Variants in ZC3H11A observed in about 807,000 individuals in gnomAD.
ZC3H11A encodes zinc finger CCCH-type containing 11A.
In ZC3H11A, 22 loss-of-function variants were observed where a neutral mutation model predicts 90.8. The ratio of observed to expected loss-of-function variants is 0.24; its 90% CI spans 0.17 to 0.35. ZC3H11A has a LOEUF of 0.35. Ranked by LOEUF, ZC3H11A falls within the 10% of genes least tolerant of loss-of-function variation. The pLI is 1.00. For synonymous variants in ZC3H11A, 294 were observed against 339.8 expected (o/e 0.87, Z 1.48); for missense variants, 701 against 964.9 (o/e 0.73, Z 3.62).
chr1:203,825,076 CAAAAAAAAAA>C (rs61108073), intron 4 of ZC3H11A, among the ~76,000 whole-genome samples: 7 of 108,988 alleles, frequency 6.4e-5, no homozygotes, highest in Non-Finnish European at 8.9e-5. Flanking sequence ...GACTCCGTCT[CAAAAAAAAAA>C]AAAAAAAAAG....
At chr1:203,806,060 G>C in intron 2 of ZC3H11A, 1 of 517,622 alleles carries the variant, frequency 1.9e-6, no homozygotes, top group Non-Finnish European at 3.8e-6. Context: ...ATCCGCTTTT[G>C]TTTTAAAACT....
At chr1:203,797,494 C>G in intron 1 of ZC3H11A, 2 of 1,460,992 alleles carry the variant, frequency 1.4e-6, no homozygotes, top group Admixed American at 2.7e-5. Context: ...CTAACAGATT[C>G]TGGTACGAAT....
In ZC3H11A at chr1:203,836,222, A is replaced by C. The variant is rs577116693; in HGVS notation, c.875-1744A>C. 1.1e-3 allele frequency among the ~76,000 whole-genome samples: 165 copies of C among 152,348 alleles called. 1 individual carries two copies. Among genetic ancestry groups the C allele is most frequent in the African/African-American group, 3.8e-3 (160 of 41,578 alleles). The stretch of plus-strand genomic sequence containing the variant: ...ACATAGCAAGACCCTGTCTCTAAAA[A>C]TAATAATTAAAAGTTCTTAAAATAT... On this transcript the variant is annotated intron_variant, in intron 10 of 17. Coordinates refer to ENST00000367210, the MANE Select transcript of ZC3H11A (RefSeq NM_001376342.1).
At chr1:203,839,130 G>T (rs997651637) in intron 11 of ZC3H11A, among the ~76,000 whole-genome samples, 5 of 152,156 alleles carry the variant, frequency 3.3e-5, no homozygotes, top group African/African-American at 9.7e-5. Context: ...ATAAGACGAG[G>T]TAGTGGCATA....
At chr1:203,825,607 G>A (rs1002732313) in intron 4 of ZC3H11A, among the ~76,000 whole-genome samples, 10 of 151,946 alleles carry the variant, frequency 6.6e-5, no homozygotes, top group African/African-American at 2.2e-4. Context: ...GCTAATTTTT[G>A]TATTTTTTAG....
intron 16 of ZC3H11A, 108 bp downstream of exon 16, chr1:203,850,789 CCTAGCATTTT>C: frequency 1.4e-6 from 2 of 1,446,328 alleles, no homozygotes; most frequent in Non-Finnish European, 1.9e-6. Flanking sequence ...CCTGGCATTT[CCTAGCATTTT>C]AGTAATTTGG....
chr1:203,838,811 G>A (rs1194253768), intron 11 of ZC3H11A, among the ~76,000 whole-genome samples: 1 of 151,978 alleles, frequency 6.6e-6, no homozygotes, highest in Admixed American at 6.6e-5. Context: ...AAATTAGCTG[G>A]GCAGGGTGGC....
intron 4 of ZC3H11A, among the ~76,000 whole-genome samples, chr1:203,819,176 G>GTGTA (rs1553262937): frequency 1.4e-5 from 2 of 148,030 alleles, no homozygotes; most frequent in Non-Finnish European, 3.0e-5. Context: ...ATATGTGTGT[G>GTGTA]TATATATATA....
chr1:203,828,512 C>A, intron 5 of ZC3H11A, 90 bp downstream of exon 5: 1 of 1,451,372 alleles, frequency 6.9e-7, no homozygotes, highest in Non-Finnish European at 9.4e-7. Flanking sequence ...TGACTCCTTT[C>A]AGTCTTGTGA....
intron 11 of ZC3H11A, among the ~76,000 whole-genome samples, chr1:203,839,465 C>G (rs1011660789): frequency 6.6e-6 from 1 of 150,950 alleles, no homozygotes; most frequent in African/African-American, 2.4e-5. Context: ...GTGTTTTTTT[C>G]CTTCTCATTG....
At chr1:203,797,875 A>G in intron 1 of ZC3H11A, 2 of 1,536,138 alleles carry the variant, frequency 1.3e-6, no homozygotes, top group Non-Finnish European at 1.7e-6. Flanking sequence ...TTTGAGAGCA[A>G]TATAGAAAAA....
chr1:203,804,014 TG>T (rs1671332336), intron 2 of ZC3H11A, among the ~76,000 whole-genome samples: 1 of 152,208 alleles, frequency 6.6e-6, no homozygotes, highest in African/African-American at 2.4e-5. Flanking sequence ...CATTATTTTT[TG>T]GGGAGAAGTA....
intron 2 of ZC3H11A, chr1:203,805,862 T>C: frequency 3.4e-6 from 3 of 878,992 alleles, no homozygotes; most frequent in South Asian, 1.3e-5. Flanking sequence ...TCTTCCATCA[T>C]GTCCACTAGC....
intron 1 of ZC3H11A, chr1:203,798,914 C>T (rs1025528230): frequency 6.5e-7 from 1 of 1,536,008 alleles, no homozygotes; most frequent in Non-Finnish European, 8.7e-7. Flanking sequence ...ATGATTGTGT[C>T]AGAGAAAAAA....
At chr1:203,800,169 G>A in intron 1 of ZC3H11A, 1 of 1,532,786 alleles carries the variant, frequency 6.5e-7, no homozygotes, top group Non-Finnish European at 8.7e-7. Context: ...AGGAGGTGAT[G>A]ACCCTTTAAT....
At chr1:203,850,979 A>G in intron 16 of ZC3H11A, 78 bp from the exon 17 acceptor site, 1 of 1,499,608 alleles carries the variant, frequency 6.7e-7, no homozygotes, top group Non-Finnish European at 9.2e-7. Flanking sequence ...CAATTCTAAG[A>G]AGGCAGCAAA....
chr1:203,850,974 C>T, intron 16 of ZC3H11A, 83 bp from the exon 17 acceptor site: 2 of 1,491,638 alleles, frequency 1.3e-6, no homozygotes, highest in Non-Finnish European at 1.9e-6. Context: ...AGCCACAATT[C>T]TAAGAAGGCA....
At chr1:203,838,194 C>G in intron 11 of ZC3H11A, 130 bp downstream of exon 11, 1 of 873,800 alleles carries the variant, frequency 1.1e-6, no homozygotes, top group South Asian at 1.8e-5. Flanking sequence ...ATATTATTCA[C>G]TCAACAAACA....
At chr1:203,805,704 TG>T (rs777857457) in intron 2 of ZC3H11A, 1 of 663,036 alleles carries the variant, frequency 1.5e-6, no homozygotes, top group Non-Finnish European at 2.9e-6. Flanking sequence ...CTTCTGGAAT[TG>T]CAGGTGCAGA....
Sources: gnomAD v4.1 joint callset for allele counts (sites outside exome capture counted in the v4.1 genomes callset) on GRCh38, gnomAD v4.1.1 for gene constraint, MANE v1.5 for transcripts, NCBI Gene and HGNC (gene_info 2026-07-23, HGNC 2026-07-21) for gene names.